CD47: variants seen among roughly 807,000 people sequenced by gnomAD.
The protein encoded by CD47 is CD47 molecule.
A neutral mutation model predicts 44.6 loss-of-function variants in CD47; 11 were observed. That is an observed-to-expected ratio of 0.25 (90% CI 0.16 to 0.41). The LOEUF is 0.41. Ranked by LOEUF, CD47 falls within the 10% of genes least tolerant of loss-of-function variation. CD47 has a pLI of 1.00. For synonymous variants in CD47, 140 were observed against 136.3 expected, an observed-to-expected ratio of 1.03 and a Z score of -0.19; for missense variants, 306 against 386.7, an observed-to-expected ratio of 0.79 and a Z score of 1.75.
intron 2 of CD47, among the ~76,000 whole-genome samples, chr3:108,079,668 G>A (rs2079379989): frequency 6.6e-6 from 1 of 151,018 alleles, no homozygotes; most frequent in Non-Finnish European, 1.5e-5. Flanking sequence ...CACTTGGATG[G>A]CAGCAAACAG....
chr3:108,079,930 T>C, intron 2 of CD47, 61 bp downstream of exon 2: 1 of 1,159,644 alleles, frequency 8.6e-7, no homozygotes, highest in Non-Finnish European at 1.2e-6. Context: ...TGGCCTCCTC[T>C]CGAAAGAGGA....
chr3:108,059,377 G>A, intron 5 of CD47, 75 bp downstream of exon 5: 3 of 663,296 alleles, frequency 4.5e-6, no homozygotes, highest in Non-Finnish European at 7.6e-6. Context: ...AAATTTATAT[G>A]AGCATTTTCA....
At position 108,044,674 on chromosome 3, in the gene CD47, T is replaced by C. The variant is rs928083962; in HGVS notation, c.*2614A>G. ...AAAAACTAATAGAACTAAGCAGAGA[T>C]GCATAAAGTACTATAGGAATGGTAA... On this transcript the variant is annotated 3_prime_UTR_variant, in exon 11 of 11. Transcript: ENST00000361309. The C allele has an allele frequency of 1.4e-4, 22 of 151,958 alleles. No individual in the cohort carries two copies. Among genetic ancestry groups the C allele is most frequent in the Non-Finnish European group, 1.9e-4 (13 of 67,982 alleles). The allele number at this position is 151,958 out of a possible 1,614,324, so 9.4% of individuals were successfully genotyped here.
At chr3:108,086,253 A>AT (rs1427161756) in intron 1 of CD47, among the ~76,000 whole-genome samples, 2 of 151,872 alleles carry the variant, frequency 1.3e-5, no homozygotes, top group Non-Finnish European at 2.9e-5. Flanking sequence ...ATTTAATTTC[A>AT]TTAAAAAAAA....
intron 2 of CD47, among the ~76,000 whole-genome samples, chr3:108,072,558 A>C (rs1318373543): frequency 1.3e-5 from 2 of 152,154 alleles, no homozygotes; most frequent in Admixed American, 1.3e-4. Flanking sequence ...TTTGCGAGTG[A>C]ATGGAAGACT....
intron 4 of CD47, among the ~76,000 whole-genome samples, chr3:108,060,323 T>C (rs1324889431): frequency 6.6e-6 from 1 of 152,210 alleles, no homozygotes; most frequent in Non-Finnish European, 1.5e-5. Context: ...CCCTGGATTA[T>C]ATGAGTGGGC....
At chr3:108,068,846 T>C (rs764260544) in intron 3 of CD47, among the ~76,000 whole-genome samples, 6 of 152,222 alleles carry the variant, frequency 3.9e-5, no homozygotes, top group African/African-American at 9.6e-5. Context: ...GGGTGAATCA[T>C]GTATAGACAT....
At chr3:108,080,544 C>T (rs1278211772) in intron 1 of CD47, among the ~76,000 whole-genome samples, 200 bp from the exon 2 acceptor site, 1 of 151,314 alleles carries the variant, frequency 6.6e-6, no homozygotes, top group Non-Finnish European at 1.5e-5. Flanking sequence ...TGGAAGGCAT[C>T]ATTATGACTT....
chr3:108,060,325 T>C (rs1461778525), intron 4 of CD47, among the ~76,000 whole-genome samples: 1 of 152,192 alleles, frequency 6.6e-6, no homozygotes, highest in African/African-American at 2.4e-5. Context: ...CTGGATTATA[T>C]GAGTGGGCTC....
chr3:108,079,316 C>T (rs2079368589), intron 2 of CD47, among the ~76,000 whole-genome samples: 1 of 151,806 alleles, frequency 6.6e-6, no homozygotes, highest in Non-Finnish European at 1.5e-5. Context: ...ACCTTCTACA[C>T]CTCAGCAACC....
At chr3:108,047,587 A>G (rs1054705879) in intron 10 of CD47, among the ~76,000 whole-genome samples, 1 of 152,254 alleles carries the variant, frequency 6.6e-6, no homozygotes, top group Non-Finnish European at 1.5e-5. Flanking sequence ...TGTTGATCCT[A>G]GAATAATATT....
chr3:108,051,478 T>A (rs1298431195), intron 8 of CD47, among the ~76,000 whole-genome samples: 1 of 152,232 alleles, frequency 6.6e-6, no homozygotes, highest in Non-Finnish European at 1.5e-5. Flanking sequence ...GAGGATCGAA[T>A]CATAACTCCG....
chr3:108,087,382 A>T (rs1030222619), intron 1 of CD47, among the ~76,000 whole-genome samples: 8 of 152,180 alleles, frequency 5.3e-5, no homozygotes, highest in Admixed American at 4.6e-4. Flanking sequence ...AGAATGGAAG[A>T]GGCCAACTTA....
chr3:108,073,415 A>C (rs968652494), intron 2 of CD47, among the ~76,000 whole-genome samples: 16 of 152,180 alleles, frequency 1.1e-4, no homozygotes, highest in African/African-American at 3.9e-4. Flanking sequence ...GAAGGCCAGC[A>C]GTGAACAATG....
chr3:108,074,204 T>C (rs994100084), intron 2 of CD47, among the ~76,000 whole-genome samples: 1 of 152,152 alleles, frequency 6.6e-6, no homozygotes, highest in South Asian at 2.1e-4. Flanking sequence ...GATGATGAGA[T>C]AGACTAGATG....
chr3:108,089,699 T>C (rs556012089), intron 1 of CD47, among the ~76,000 whole-genome samples: 3 of 152,172 alleles, frequency 2.0e-5, no homozygotes, highest in Admixed American at 2.0e-4. Flanking sequence ...GGGAGGAAAG[T>C]GGTAAGCAGA....
At chr3:108,062,642 CTTTT>C (rs774152967) in intron 3 of CD47, among the ~76,000 whole-genome samples, 1 of 138,104 alleles carries the variant, frequency 7.2e-6, no homozygotes. Context: ...TTTTTCTTTT[CTTTT>C]TTTTTTTTTT....
chr3:108,078,674 AAG>A (rs1403212936), intron 2 of CD47, among the ~76,000 whole-genome samples: 2 of 151,464 alleles, frequency 1.3e-5, no homozygotes, highest in Non-Finnish European at 3.0e-5. Flanking sequence ...GCTACAATGT[AAG>A]AGAGATTTCT....
chr3:108,084,220 ACTACAGCTCTTGCC>A lies in CD47; in HGVS notation c.47-3890_47-3877del, dbSNP rs2079473792. ...ACCCATTCACCCCTACTTCTTCATT[ACTACAGCTCTTGCC>A]AAAGTCACCACCAATCCCTTGTGAA... is the stretch of plus-strand genomic sequence containing the variant. On this transcript the variant is annotated intron_variant, in intron 1 of 10. Transcript: ENST00000361309. Among the ~76,000 whole-genome samples, 3 of 152,044 alleles carry A rather than the reference ACTACAGCTCTTGCC, an allele frequency of 2.0e-5. No homozygotes were observed. The East Asian group carries it at 5.8e-4, about 29-fold the overall frequency.
Sources: allele counts gnomAD v4.1 joint callset (sites outside exome capture counted in the v4.1 genomes callset), GRCh38; gene constraint gnomAD v4.1.1; transcripts MANE v1.5; gene names NCBI Gene and HGNC (gene_info 2026-07-23, HGNC 2026-07-21).